LINGO2: variants seen among roughly 807,000 people sequenced by gnomAD.
LINGO2 encodes leucine rich repeat and Ig domain containing 2.
In LINGO2, 14 loss-of-function variants were observed where a neutral mutation model predicts 30.6. The observed-to-expected ratio is 0.46, with a 90% CI of 0.30 to 0.72. The LOEUF is 0.72. Ranked by LOEUF, LINGO2 falls within the 30% of genes least tolerant of loss-of-function variation. The probability of loss-of-function intolerance (pLI) is 0.07; values close to 1 mark genes in which losing one functional copy is unlikely to be tolerated. For synonymous variants in LINGO2, 317 were observed against 288.5 expected (o/e 1.10, Z -1.00); for missense variants, 729 against 751.7 (o/e 0.97, Z 0.35).
At chr9:28,117,379 GC>G (rs1262871072) in intron 4 of LINGO2, among the ~76,000 whole-genome samples, 5 of 122,448 alleles carry the variant, frequency 4.1e-5, no homozygotes, top group African/African-American at 1.5e-4. Flanking sequence ...TCTGTGCCCT[GC>G]CCCCAGAGGT....
At chr9:28,356,108 TCATC>T (rs1335112421) in intron 3 of LINGO2, among the ~76,000 whole-genome samples, 1 of 152,168 alleles carries the variant, frequency 6.6e-6, no homozygotes, top group South Asian at 2.1e-4. Flanking sequence ...TGTGAATACT[TCATC>T]CATGCAGTTG....
At chr9:28,560,482 C>T (rs951614879) in intron 1 of LINGO2, among the ~76,000 whole-genome samples, 2 of 151,950 alleles carry the variant, frequency 1.3e-5, no homozygotes, top group Admixed American at 6.6e-5. Context: ...ACATGTCAGC[C>T]TCTATAACTG....
intron 5 of LINGO2, among the ~76,000 whole-genome samples, chr9:27,961,713 T>C (rs1392940770): frequency 6.6e-6 from 1 of 152,150 alleles, no homozygotes; most frequent in Admixed American, 6.5e-5. Context: ...AGAGAAAGAC[T>C]TGAAGCTGAT....
At chr9:28,109,135 T>A (rs368441262) in intron 4 of LINGO2, among the ~76,000 whole-genome samples, 48 of 152,196 alleles carry the variant, frequency 3.2e-4, no homozygotes, top group African/African-American at 1.0e-3. Flanking sequence ...TCAGAACCAA[T>A]GACAAAAACC....
the LINGO2 span, among the ~76,000 whole-genome samples, chr9:29,186,633 A>G: frequency 6.6e-6 from 1 of 152,260 alleles, no homozygotes; most frequent in East Asian, 1.9e-4. Flanking sequence ...ATAGTTCATT[A>G]TTAGTATGGT....
chr9:28,500,312 C>G (rs528703016), intron 1 of LINGO2, among the ~76,000 whole-genome samples: 3 of 152,234 alleles, frequency 2.0e-5, no homozygotes, highest in African/African-American at 7.2e-5. Flanking sequence ...TAACTGACCA[C>G]ATGTCCTTGT....
the LINGO2 span, among the ~76,000 whole-genome samples, chr9:29,057,169 A>C: frequency 1.3e-5 from 2 of 151,868 alleles, no homozygotes; most frequent in African/African-American, 4.8e-5. Flanking sequence ...GAATTTCATG[A>C]ATTTGTAGAT....
intron 2 of LINGO2, among the ~76,000 whole-genome samples, chr9:28,381,142 A>G (rs1388714178): frequency 6.6e-6 from 1 of 152,096 alleles, no homozygotes; most frequent in Admixed American, 6.6e-5. Flanking sequence ...GTTTGGGTTC[A>G]GGGAGAAAGC....
At chr9:28,900,774 A>T in the LINGO2 span, among the ~76,000 whole-genome samples, 3,227 of 152,338 alleles carry the variant, frequency 0.021, 59 homozygotes, top group Middle Eastern at 0.044. Flanking sequence ...GATCAAGAAC[A>T]ATCAGAGAAA....
the LINGO2 span, among the ~76,000 whole-genome samples, chr9:29,137,431 T>G: frequency 2.3e-4 from 35 of 152,094 alleles, no homozygotes; most frequent in Non-Finnish European, 7.4e-5. Context: ...GTAAACTAAA[T>G]CAAAGGTTCA....
the LINGO2 span, among the ~76,000 whole-genome samples, chr9:28,767,947 G>T: frequency 0.07 from 10,683 of 152,054 alleles, 1,253 homozygotes; most frequent in African/African-American, 0.24. Context: ...TTTTCCATTA[G>T]GAGGCATAAA....
chr9:28,103,733 A>T (rs1339312044), intron 4 of LINGO2, among the ~76,000 whole-genome samples: 1 of 152,218 alleles, frequency 6.6e-6, no homozygotes, highest in African/African-American at 2.4e-5. Context: ...GGGTGACTTG[A>T]CATATTGTGA....
chr9:28,392,933 C>A (rs572359044), intron 2 of LINGO2, among the ~76,000 whole-genome samples: 75 of 152,256 alleles, frequency 4.9e-4, no homozygotes, highest in Non-Finnish European at 4.4e-4. Context: ...GGAAATGTAA[C>A]ACTATCCCCA....
intron 1 of LINGO2, chr9:28,598,565 G>C (rs1386414727): frequency 3.3e-5 from 5 of 152,314 alleles, no homozygotes; most frequent in Non-Finnish European, 5.9e-5. Flanking sequence ...ACACAGCAGG[G>C]AGGTTGGGTG....
At chr9:28,973,810 A>G in the LINGO2 span, among the ~76,000 whole-genome samples, 1 of 152,202 alleles carries the variant, frequency 6.6e-6, no homozygotes, top group Non-Finnish European at 1.5e-5. Context: ...TCCTTCAAAC[A>G]TAAAGGTTAA....
intron 1 of LINGO2, among the ~76,000 whole-genome samples, chr9:28,502,195 A>C (rs16913251): frequency 0.045 from 6,798 of 150,976 alleles, 388 homozygotes; most frequent in East Asian, 0.19. Context: ...GCATCGCACA[A>C]TCTTCTTCCA....
the LINGO2 span, among the ~76,000 whole-genome samples, chr9:28,859,418 A>T: frequency 1.3e-5 from 2 of 152,100 alleles, no homozygotes; most frequent in Admixed American, 1.3e-4. Flanking sequence ...TGAGTAATTC[A>T]ATTGAAGTAC....
At chr9:28,577,417 A>G (rs1171670349) in intron 1 of LINGO2, among the ~76,000 whole-genome samples, 4 of 152,106 alleles carry the variant, frequency 2.6e-5, no homozygotes, top group Non-Finnish European at 4.4e-5. Context: ...TCAGCCCACG[A>G]GTACCATTTT....
chr9:29,006,520 C>T, the LINGO2 span, among the ~76,000 whole-genome samples: 1 of 151,942 alleles, frequency 6.6e-6, no homozygotes, highest in East Asian at 1.9e-4. Context: ...TAATGCTTCA[C>T]AGATGAGACA....
Sources: gnomAD v4.1 joint callset for allele counts (sites outside exome capture counted in the v4.1 genomes callset) on GRCh38, gnomAD v4.1.1 for gene constraint, MANE v1.5 for transcripts, NCBI Gene and HGNC (gene_info 2026-07-23, HGNC 2026-07-21) for gene names.